Variants in CNTN1 observed in about 807,000 individuals in gnomAD.
The protein encoded by CNTN1 is contactin-1.
A neutral mutation model predicts 126.4 loss-of-function variants in CNTN1; 38 were observed. The ratio of observed to expected loss-of-function variants is 0.30; its 90% CI spans 0.23 to 0.39. The LOEUF is 0.39. Among genes scored for constraint, CNTN1 ranks in the 10% least tolerant of loss-of-function variants. CNTN1 has a pLI of 1.00. For missense variants in CNTN1, 1,009 were observed against 1,248.4 expected (o/e 0.81, Z 2.89); for synonymous variants, 413 against 422.6 (o/e 0.98, Z 0.28).
In CNTN1 at chr12:40,887,413, A is replaced by C. The variant is rs1024476315; in HGVS notation, c.-76-20944A>C. On this transcript the variant is annotated intron_variant, in intron 1 of 23. Transcript: ENST00000551295. ...ATGCAGCCAAAAAACACATGAAAAA[A>C]TGCTCGTCGTCACTGGCCATCAGAG... Among the ~76,000 whole-genome samples the C allele has an allele frequency of 3.5e-4, 54 of 152,226 alleles. 1 individual carries two copies. Among genetic ancestry groups the C allele is most frequent in the Non-Finnish European group, 7.3e-5 (5 of 68,040 alleles).
chr12:40,735,288 G>C (rs1041493528), intron 1 of CNTN1, among the ~76,000 whole-genome samples: 1 of 152,036 alleles, frequency 6.6e-6, no homozygotes, highest in African/African-American at 2.4e-5. Context: ...ATTTAGAAGT[G>C]ACAAGAAACT....
intron 1 of CNTN1, among the ~76,000 whole-genome samples, chr12:40,737,938 T>C (rs757636072): frequency 1.3e-5 from 2 of 152,038 alleles, no homozygotes; most frequent in African/African-American, 2.4e-5. Flanking sequence ...AACTCTAATA[T>C]GGTTCTGTAT....
intron 11 of CNTN1, among the ~76,000 whole-genome samples, chr12:40,939,033 G>C (rs1203982482): frequency 6.6e-6 from 1 of 152,092 alleles, no homozygotes; most frequent in Non-Finnish European, 1.5e-5. Flanking sequence ...CTCAGCCTCT[G>C]AAACTGCTGG....
intron 1 of CNTN1, among the ~76,000 whole-genome samples, chr12:40,816,243 A>T (rs1941251553): frequency 4.6e-5 from 7 of 152,024 alleles, no homozygotes; most frequent in Admixed American, 4.6e-4. Flanking sequence ...TCCTCCTTGT[A>T]TTTCTGGTAG....
intron 23 of CNTN1, among the ~76,000 whole-genome samples, chr12:41,056,972 A>C (rs1358454525): frequency 2.1e-5 from 2 of 93,726 alleles, no homozygotes; most frequent in South Asian, 6.1e-4. Context: ...AAATATTATA[A>C]ATATTTAGAT....
intron 17 of CNTN1, among the ~76,000 whole-genome samples, chr12:41,012,019 TA>T (rs1948668046): frequency 6.6e-6 from 1 of 152,164 alleles, no homozygotes; most frequent in Non-Finnish European, 1.5e-5. Context: ...AGAAACAGCA[TA>T]AAGCCTGGTT....
intron 16 of CNTN1, among the ~76,000 whole-genome samples, chr12:40,992,408 T>C (rs1301773871): frequency 6.6e-6 from 1 of 152,140 alleles, no homozygotes; most frequent in Non-Finnish European, 1.5e-5. Flanking sequence ...GGTTGATTAT[T>C]AAAAACTCGT....
chr12:41,005,557 T>C (rs1384614508), intron 17 of CNTN1, among the ~76,000 whole-genome samples: 2 of 152,158 alleles, frequency 1.3e-5, no homozygotes, highest in Non-Finnish European at 2.9e-5. Flanking sequence ...CCATCTTCTT[T>C]TCCAGGGACA....
rs1349689622 is a variant in CNTN1 at position 41,038,153 on chromosome 12, C to A, written c.2980+8934C>A. On this transcript the variant is annotated intron_variant, in intron 23 of 23. Transcript: ENST00000551295. ...CCTGGGCAACAGAGTGAGAGTCCAT[C>A]TCAAAAATAAATGAATAAATAAATA... Among the ~76,000 whole-genome samples the A allele has an allele frequency of 2.6e-5, 4 of 151,900 alleles. No homozygotes were observed. The East Asian group carries it at 7.7e-4, about 29-fold the overall frequency.
chr12:40,956,064 G>C (rs756000026), intron 14 of CNTN1, among the ~76,000 whole-genome samples: 1 of 152,090 alleles, frequency 6.6e-6, no homozygotes, highest in Non-Finnish European at 1.5e-5. Context: ...AGTAAATGCT[G>C]TCACTGTCAT....
chr12:40,989,510 TG>T (rs1948049370), intron 16 of CNTN1, among the ~76,000 whole-genome samples: 1 of 151,976 alleles, frequency 6.6e-6, no homozygotes, highest in Non-Finnish European at 1.5e-5. Context: ...CATGGAGTGA[TG>T]GATATTATGT....
At chr12:40,733,201 T>C (rs1354884942) in intron 1 of CNTN1, among the ~76,000 whole-genome samples, 1 of 152,002 alleles carries the variant, frequency 6.6e-6, no homozygotes, top group Non-Finnish European at 1.5e-5. Context: ...GTTTTCAAAA[T>C]ACAAAATACA....
chr12:41,009,335 A>G (rs1024072690), intron 17 of CNTN1, among the ~76,000 whole-genome samples: 1 of 152,162 alleles, frequency 6.6e-6, no homozygotes, highest in Admixed American at 6.5e-5. Context: ...ACCACATTAT[A>G]TGGGGTATAA....
intron 1 of CNTN1, among the ~76,000 whole-genome samples, chr12:40,719,264 A>G (rs1942129623): frequency 1.3e-5 from 2 of 152,220 alleles, no homozygotes; most frequent in Admixed American, 6.5e-5. Context: ...TCAGTAATAT[A>G]TGAACACAAT....
chr12:40,848,820 GGT>G (rs1246801755), intron 1 of CNTN1, among the ~76,000 whole-genome samples: 2 of 109,002 alleles, frequency 1.8e-5, no homozygotes, highest in East Asian at 3.2e-4. Flanking sequence ...TAGGGCACCA[GGT>G]GTGTTTTTTT....
At chr12:40,760,972 A>G (rs756905421) in intron 1 of CNTN1, among the ~76,000 whole-genome samples, 29 of 152,136 alleles carry the variant, frequency 1.9e-4, no homozygotes, top group Non-Finnish European at 4.0e-4. Context: ...TTGGAAAAAA[A>G]TTACTCTGTC....
intron 1 of CNTN1, among the ~76,000 whole-genome samples, chr12:40,802,593 C>G (rs1421893040): frequency 6.6e-6 from 1 of 151,554 alleles, no homozygotes; most frequent in Non-Finnish European, 1.5e-5. Context: ...GATTAGGAAA[C>G]AAAAATAAAT....
chr12:41,012,489 G>A (rs1357685848), intron 17 of CNTN1, among the ~76,000 whole-genome samples: 1 of 152,164 alleles, frequency 6.6e-6, no homozygotes, highest in Admixed American at 6.5e-5. Context: ...GCCCATCAGT[G>A]GGGACAGAGG....
intron 17 of CNTN1, among the ~76,000 whole-genome samples, chr12:41,011,635 A>T (rs371590997): frequency 3.9e-5 from 6 of 152,182 alleles, no homozygotes; most frequent in Admixed American, 1.3e-4. Context: ...ACCCTCACCC[A>T]TGCAACTCTA....
Sources: gnomAD v4.1 joint callset for allele counts (sites outside exome capture counted in the v4.1 genomes callset) on GRCh38, gnomAD v4.1.1 for gene constraint, MANE v1.5 for transcripts, NCBI Gene and HGNC (gene_info 2026-07-23, HGNC 2026-07-21) for gene names.